Variants in NPAS3 observed in about 807,000 individuals in gnomAD.
NPAS3 encodes neuronal PAS domain protein 3.
In NPAS3, 14 loss-of-function variants were observed where a neutral mutation model predicts 73.1. The ratio of observed to expected loss-of-function variants is 0.19; its 90% CI spans 0.13 to 0.30. The LOEUF (loss-of-function observed/expected upper bound fraction) is 0.30. Among genes scored for constraint, NPAS3 ranks in the 10% least tolerant of loss-of-function variants. NPAS3 has a pLI of 1.00. For missense variants in NPAS3, 1,096 were observed against 1,250.0 expected (o/e 0.88, Z 1.86); for synonymous variants, 620 against 541.5 (o/e 1.14, Z -2.01).
exon 9 of NPAS3, chr14:33,778,526 C>A: frequency 2.5e-6 from 4 of 1,614,038 alleles, no homozygotes; most frequent in Non-Finnish European, 3.4e-6. Context: ...GCTACCACTT[C>A]ATCCATGCTG....
At chr14:33,020,668 C>T (rs556746577) in intron 1 of NPAS3, among the ~76,000 whole-genome samples, 6 of 152,214 alleles carry the variant, frequency 3.9e-5, no homozygotes, top group South Asian at 2.1e-4. Flanking sequence ...CTTCCCAGCT[C>T]GCCTGCTTCT....
chr14:32,981,249 C>T (rs2037884711), intron 1 of NPAS3, among the ~76,000 whole-genome samples: 1 of 152,152 alleles, frequency 6.6e-6, no homozygotes, highest in Non-Finnish European at 1.5e-5. Flanking sequence ...ACCCAGCCAC[C>T]AGATGCAAAA....
exon 3 of NPAS3, chr14:33,215,275 G>A (rs2047178379): frequency 6.4e-7 from 1 of 1,574,108 alleles, no homozygotes; most frequent in Non-Finnish European, 8.7e-7. Context: ...CCAAGTTGTT[G>A]CCTCTTCCTG....
chr14:33,040,616 CTTTG>C (rs2040319158), intron 1 of NPAS3, among the ~76,000 whole-genome samples: 1 of 152,104 alleles, frequency 6.6e-6, no homozygotes, highest in Non-Finnish European at 1.5e-5. Flanking sequence ...ACACATATGA[CTTTG>C]TTTATTACTT....
intron 3 of NPAS3, among the ~76,000 whole-genome samples, chr14:33,252,130 T>A (rs1199800974): frequency 6.6e-6 from 1 of 151,706 alleles, no homozygotes; most frequent in Admixed American, 6.6e-5. Flanking sequence ...TCTGTGTTTT[T>A]TTAAAAACTC....
chr14:33,182,333 T>C (rs2045827154), intron 2 of NPAS3, among the ~76,000 whole-genome samples: 2 of 152,314 alleles, frequency 1.3e-5, no homozygotes, highest in Non-Finnish European at 2.9e-5. Context: ...TTTTGAACGC[T>C]TTTCTCCATG....
chr14:33,441,949 T>C (rs1182844613), intron 4 of NPAS3, among the ~76,000 whole-genome samples: 2 of 152,288 alleles, frequency 1.3e-5, no homozygotes, highest in African/African-American at 2.4e-5. Context: ...CCATGACATG[T>C]GGGAATCACG....
chr14:33,152,858 G>A (rs934840910), intron 2 of NPAS3, among the ~76,000 whole-genome samples: 1 of 151,842 alleles, frequency 6.6e-6, no homozygotes, highest in African/African-American at 2.4e-5. Flanking sequence ...GTATCCTTCA[G>A]TTCTGGAAAA....
chr14:33,512,650 C>T (rs945555639), intron 4 of NPAS3, among the ~76,000 whole-genome samples: 5 of 151,898 alleles, frequency 3.3e-5, no homozygotes, highest in African/African-American at 1.2e-4. Context: ...TCTGTGTGTA[C>T]TAAGTATTTC....
At chr14:33,448,503 T>A (rs752631038) in intron 4 of NPAS3, among the ~76,000 whole-genome samples, 21 of 152,208 alleles carry the variant, frequency 1.4e-4, no homozygotes, top group Non-Finnish European at 2.9e-4. Flanking sequence ...GTTGATAGCA[T>A]ACATTTTGCA....
chr14:33,705,156 C>T (rs1307718964), intron 6 of NPAS3, among the ~76,000 whole-genome samples: 1 of 152,212 alleles, frequency 6.6e-6, no homozygotes, highest in Non-Finnish European at 1.5e-5. Flanking sequence ...ACCAGTTTTA[C>T]TGAAAGGTAC....
chr14:33,731,788 T>A (rs1259410126), intron 6 of NPAS3, among the ~76,000 whole-genome samples: 1 of 152,192 alleles, frequency 6.6e-6, no homozygotes, highest in African/African-American at 2.4e-5. Flanking sequence ...AAAACTGACA[T>A]TTCAAGAGCT....
chr14:32,992,612 T>A (rs1397372145), intron 1 of NPAS3, among the ~76,000 whole-genome samples: 2 of 152,250 alleles, frequency 1.3e-5, no homozygotes, highest in African/African-American at 4.8e-5. Context: ...AGAAAGTAAG[T>A]AATCAGGGAG....
chr14:33,396,505 T>A (rs2047228204), intron 4 of NPAS3, among the ~76,000 whole-genome samples: 1 of 152,178 alleles, frequency 6.6e-6, no homozygotes, highest in Non-Finnish European at 1.5e-5. Context: ...TTATTCCACC[T>A]CTGTTAATAT....
intron 7 of NPAS3, among the ~76,000 whole-genome samples, chr14:33,751,991 T>C (rs1226417502): frequency 6.6e-6 from 1 of 152,144 alleles, no homozygotes. Flanking sequence ...ACTACTAGAT[T>C]TTCAATAGGA....
intron 5 of NPAS3, among the ~76,000 whole-genome samples, chr14:33,639,379 A>C (rs897290131): frequency 6.6e-6 from 1 of 152,218 alleles, no homozygotes; most frequent in East Asian, 1.9e-4. Flanking sequence ...AATCTAAAAA[A>C]AAATTGTCTA....
upstream of NPAS3, among the ~76,000 whole-genome samples, chr14:32,938,752 G>T (rs968372722): frequency 3.3e-5 from 5 of 149,810 alleles, no homozygotes; most frequent in African/African-American, 1.2e-4. Context: ...GGGGGCGGGG[G>T]CGGGTGGCGG....
At chr14:33,544,825 A>ATATATATATATATAAT in intron 4 of NPAS3, among the ~76,000 whole-genome samples, 6 of 112,192 alleles carry the variant, frequency 5.3e-5, no homozygotes, top group African/African-American at 2.4e-4. Context: ...TATATAATAT[A>ATATATATATATATAAT]TATGTGTATA....
chr14:32,955,787 A>G (rs1454617861), intron 1 of NPAS3, among the ~76,000 whole-genome samples: 1 of 152,122 alleles, frequency 6.6e-6, no homozygotes, highest in Non-Finnish European at 1.5e-5. Flanking sequence ...ATTTCTGTCA[A>G]AAATCTACAA....
Sources: gnomAD v4.1 joint callset for allele counts (sites outside exome capture counted in the v4.1 genomes callset) on GRCh38, gnomAD v4.1.1 for gene constraint, MANE v1.5 for transcripts, NCBI Gene and HGNC (gene_info 2026-07-23, HGNC 2026-07-21) for gene names.